ZCWPW2: variants seen among roughly 807,000 people sequenced by gnomAD.
ZCWPW2 encodes zinc finger CW-type and PWWP domain containing 2, also known as zinc finger CW-type PWWP domain protein 2.
Under a neutral mutation model 46.6 loss-of-function variants are expected in ZCWPW2, and 45 were observed. The ratio of observed to expected loss-of-function variants is 0.96; its 90% CI spans 0.76 to 1.24. ZCWPW2 has a LOEUF of 1.24. ZCWPW2 is among the 50% of genes most tolerant of loss of function. The pLI is 0.00. For missense variants in ZCWPW2, 429 were observed against 403.9 expected (o/e 1.06, Z -0.53); for synonymous variants, 152 against 137.1 (o/e 1.11, Z -0.76).
intron 2 of ZCWPW2, among the ~76,000 whole-genome samples, chr3:28,407,288 T>C (rs2125735085): frequency 6.6e-6 from 1 of 152,330 alleles, no homozygotes; most frequent in South Asian, 2.1e-4. Context: ...TATTTGTACA[T>C]CTAACATCAC....
chr3:28,449,934 TGTAGA>T (rs1359539017), intron 4 of ZCWPW2, among the ~76,000 whole-genome samples: 1 of 152,204 alleles, frequency 6.6e-6, no homozygotes, highest in African/African-American at 2.4e-5. Flanking sequence ...AGTGTTTTAG[TGTAGA>T]GTAATGTAGT....
chr3:28,495,243 A>G (rs1699948434), intron 6 of ZCWPW2, among the ~76,000 whole-genome samples: 1 of 152,102 alleles, frequency 6.6e-6, no homozygotes, highest in African/African-American at 2.4e-5. Flanking sequence ...AATAATGTTC[A>G]GCTCCTTTGC....
intron 8 of ZCWPW2, among the ~76,000 whole-genome samples, chr3:28,519,908 T>C (rs1700676131): frequency 6.6e-6 from 1 of 152,078 alleles, no homozygotes; most frequent in Non-Finnish European, 1.5e-5. Context: ...TTTTAATCAG[T>C]AGTTAAGTCT....
intron 1 of ZCWPW2, among the ~76,000 whole-genome samples, chr3:28,387,833 C>T (rs931959245): frequency 4.6e-5 from 7 of 152,104 alleles, no homozygotes; most frequent in Admixed American, 2.0e-4. Flanking sequence ...TAGTAACACC[C>T]AGAAGAGTGT....
At chr3:28,414,761 T>G (rs1267219193) in intron 3 of ZCWPW2, among the ~76,000 whole-genome samples, 2 of 63,540 alleles carry the variant, frequency 3.1e-5, no homozygotes, top group African/African-American at 1.3e-4. Flanking sequence ...TCCAGCTTCA[T>G]CCATATCCCT....
chr3:28,400,413 A>G (rs1181945159), intron 2 of ZCWPW2, among the ~76,000 whole-genome samples: 1 of 152,226 alleles, frequency 6.6e-6, no homozygotes, highest in Non-Finnish European at 1.5e-5. Context: ...AGAGACCTAG[A>G]CATTCAAATA....
intron 2 of ZCWPW2, among the ~76,000 whole-genome samples, chr3:28,396,483 G>C (rs570401297): frequency 2.0e-5 from 3 of 152,210 alleles, no homozygotes; most frequent in African/African-American, 2.4e-5. Flanking sequence ...CACATTATAT[G>C]TTCAGTATTG....
intron 4 of ZCWPW2, among the ~76,000 whole-genome samples, chr3:28,475,609 T>A (rs1363627277): frequency 6.6e-6 from 1 of 152,146 alleles, no homozygotes; most frequent in Admixed American, 6.5e-5. Context: ...CCTTGTTAAT[T>A]TTCTGAAATC....
intron 5 of ZCWPW2, among the ~76,000 whole-genome samples, chr3:28,487,603 G>GATCT (rs1699648639): frequency 6.6e-6 from 1 of 152,048 alleles, no homozygotes; most frequent in South Asian, 2.1e-4. Flanking sequence ...GCCATATCTT[G>GATCT]ATCTGGTCCT....
intron 4 of ZCWPW2, among the ~76,000 whole-genome samples, chr3:28,454,366 A>G (rs908555478): frequency 6.6e-6 from 1 of 152,196 alleles, no homozygotes; most frequent in Admixed American, 6.5e-5. Context: ...AAGAAAGAGG[A>G]GGATATACTA....
chr3:28,369,782 C>T (rs1404453403), intron 1 of ZCWPW2, among the ~76,000 whole-genome samples: 3 of 152,198 alleles, frequency 2.0e-5, no homozygotes, highest in Non-Finnish European at 4.4e-5. Context: ...AGGCAGGCCT[C>T]CTTGAGCTGA....
chr3:28,452,957 A>G (rs983143991), intron 4 of ZCWPW2, among the ~76,000 whole-genome samples: 1 of 152,198 alleles, frequency 6.6e-6, no homozygotes, highest in Non-Finnish European at 1.5e-5. Flanking sequence ...CTAGTTGATC[A>G]TCTTATTCTT....
At chr3:28,350,252 A>T (rs1704491840) in intron 1 of ZCWPW2, among the ~76,000 whole-genome samples, 1 of 152,240 alleles carries the variant, frequency 6.6e-6, no homozygotes, top group African/African-American at 2.4e-5. Context: ...AGGCATCACA[A>T]GTTATTAGAA....
At chr3:28,393,540 A>T (rs182814005) in intron 2 of ZCWPW2, among the ~76,000 whole-genome samples, 1 of 152,228 alleles carries the variant, frequency 6.6e-6, no homozygotes, top group African/African-American at 2.4e-5. Flanking sequence ...AAAATCCTCA[A>T]CAAAATGCCA....
At chr3:28,497,615 G>A (rs978442602) in intron 6 of ZCWPW2, among the ~76,000 whole-genome samples, 1 of 152,080 alleles carries the variant, frequency 6.6e-6, no homozygotes, top group Non-Finnish European at 1.5e-5. Context: ...TGAATCAGGA[G>A]TGGACCTTGA....
intron 4 of ZCWPW2, among the ~76,000 whole-genome samples, chr3:28,451,526 A>AGTC (rs1698225650): frequency 6.6e-6 from 1 of 152,236 alleles, no homozygotes; most frequent in Non-Finnish European, 1.5e-5. Flanking sequence ...GAATGATGGA[A>AGTC]GTCTCTGGTA....
At chr3:28,456,884 C>T (rs1408577804) in intron 4 of ZCWPW2, among the ~76,000 whole-genome samples, 4 of 152,034 alleles carry the variant, frequency 2.6e-5, no homozygotes, top group Admixed American at 1.3e-4. Flanking sequence ...AGTATTTTGA[C>T]GAGGATTTTT....
chr3:28,521,124 T>C lies in ZCWPW2; in HGVS notation c.909+8T>C. ...ATAAATATGGGAGAAAAGGTAATAT[T>C]GATAGTTATTTTCAGACCTAAATAA... On this transcript the variant is annotated splice_region_variant and intron_variant, in intron 9 of 9. Transcript: ENST00000383768. 3.1e-6 allele frequency: 5 copies of C among 1,592,044 alleles called. No homozygotes were observed. Among genetic ancestry groups the C allele is most frequent in the Non-Finnish European group, 4.3e-6 (5 of 1,173,436 alleles).
intron 1 of ZCWPW2, among the ~76,000 whole-genome samples, chr3:28,370,311 C>T (rs902073002): frequency 6.6e-6 from 1 of 152,170 alleles, no homozygotes; most frequent in Admixed American, 6.5e-5. Flanking sequence ...CCCCAAAAAA[C>T]ATTCATTGTC....
Sources: allele counts gnomAD v4.1 joint callset (sites outside exome capture counted in the v4.1 genomes callset), GRCh38; gene constraint gnomAD v4.1.1; transcripts MANE v1.5; gene names NCBI Gene and HGNC (gene_info 2026-07-23, HGNC 2026-07-21).